Variants in CFAP299 observed in about 807,000 individuals in gnomAD.
CFAP299 encodes the protein cilia and flagella associated protein 299.
Under a neutral mutation model 27.0 loss-of-function variants are expected in CFAP299, and 21 were observed. The ratio of observed to expected loss-of-function variants is 0.78; its 90% CI spans 0.55 to 1.12. The LOEUF is 1.12. CFAP299 is among the 50% of genes most tolerant of loss of function. The pLI, the probability that CFAP299 is intolerant of heterozygous loss-of-function variation, is 0.00. For synonymous variants in CFAP299, 104 were observed against 98.1 expected, an observed-to-expected ratio of 1.06 and a Z score of -0.36; for missense variants, 310 against 276.6, an observed-to-expected ratio of 1.12 and a Z score of -0.86.
chr4:80,762,284 G>T (rs1725581516), intron 3 of CFAP299, among the ~76,000 whole-genome samples: 1 of 151,986 alleles, frequency 6.6e-6, no homozygotes, highest in South Asian at 2.1e-4. Flanking sequence ...CTGACAGGAG[G>T]AAATATAAGA....
chr4:80,391,797 A>T (rs1018260682), intron 2 of CFAP299, among the ~76,000 whole-genome samples: 1 of 152,130 alleles, frequency 6.6e-6, no homozygotes, highest in Non-Finnish European at 1.5e-5. Context: ...TGAGTCCCCC[A>T]TCACTACAAA....
chr4:80,724,304 A>G (rs1379889321), intron 3 of CFAP299, among the ~76,000 whole-genome samples: 1 of 152,146 alleles, frequency 6.6e-6, no homozygotes, highest in East Asian at 1.9e-4. Flanking sequence ...CAAACTGGGC[A>G]ATTGGGATTT....
chr4:80,582,692 T>C (rs1237162310), intron 2 of CFAP299, among the ~76,000 whole-genome samples: 1 of 151,874 alleles, frequency 6.6e-6, no homozygotes, highest in Non-Finnish European at 1.5e-5. Context: ...TCTACTCCAG[T>C]AACTGCATAG....
intron 4 of CFAP299, among the ~76,000 whole-genome samples, chr4:80,885,379 A>G (rs983466156): frequency 1.1e-4 from 17 of 152,176 alleles, no homozygotes; most frequent in Admixed American, 5.2e-4. Context: ...ACCTAGGGAG[A>G]CACAAGATGT....
intron 2 of CFAP299, among the ~76,000 whole-genome samples, chr4:80,464,657 T>C (rs956742311): frequency 1.3e-5 from 2 of 152,200 alleles, no homozygotes; most frequent in Non-Finnish European, 2.9e-5. Context: ...GTTAGTAGTA[T>C]TAAAATAATT....
chr4:80,766,803 G>T (rs996178093), intron 3 of CFAP299, among the ~76,000 whole-genome samples: 1 of 152,162 alleles, frequency 6.6e-6, no homozygotes, highest in Non-Finnish European at 1.5e-5. Flanking sequence ...CATCAAATTT[G>T]GCCTTGCAAA....
intron 4 of CFAP299, among the ~76,000 whole-genome samples, chr4:80,890,932 T>A (rs1734240040): frequency 6.7e-6 from 1 of 150,366 alleles, no homozygotes; most frequent in Non-Finnish European, 1.5e-5. Flanking sequence ...TGTAAATTTG[T>A]TTGAGTTCAT....
In CFAP299 at chr4:80,390,835, A is replaced by C. The variant is rs1161572890; in HGVS notation, c.242+27951A>C. On this transcript the variant is annotated intron_variant, in intron 2 of 5. Coordinates refer to ENST00000358105, the MANE Select transcript of CFAP299 (RefSeq NM_152770.3). ...TACACACATATATGTATATGTATATATGTATATACACATATATGTATATGT... is the reference window on the plus strand; with the variant it reads ...TACACACATATATGTATATGTATATCTGTATATACACATATATGTATATGT... Among the ~76,000 whole-genome samples, 2 of 145,646 alleles carry C rather than the reference A, an allele frequency of 1.4e-5. 1 individual carries two copies. Among genetic ancestry groups the C allele is most frequent in the Non-Finnish European group, 3.0e-5 (2 of 66,476 alleles).
chr4:80,418,140 GCCACTGC>G (rs1727107202), intron 2 of CFAP299, among the ~76,000 whole-genome samples: 1 of 152,138 alleles, frequency 6.6e-6, no homozygotes, highest in Non-Finnish European at 1.5e-5. Flanking sequence ...GAGATTCTGG[GCCACTGC>G]ACAGTCTGGG....
intron 3 of CFAP299, among the ~76,000 whole-genome samples, chr4:80,867,381 A>G (rs887854003): frequency 6.6e-5 from 10 of 152,316 alleles, no homozygotes; most frequent in Middle Eastern, 3.4e-3. Context: ...ATACATATAT[A>G]TATTCTAATA....
At chr4:80,806,560 C>T (rs1389153634) in intron 3 of CFAP299, among the ~76,000 whole-genome samples, 4 of 152,198 alleles carry the variant, frequency 2.6e-5, no homozygotes. Context: ...AACAAACCAG[C>T]AAACATCCCT....
At chr4:80,764,644 T>C (rs993971622) in intron 3 of CFAP299, among the ~76,000 whole-genome samples, 3 of 152,122 alleles carry the variant, frequency 2.0e-5, no homozygotes, top group Admixed American at 1.3e-4. Flanking sequence ...CACATGCTCA[T>C]GTATGTTTAT....
chr4:80,590,384 A>C (rs1736668335), intron 3 of CFAP299, among the ~76,000 whole-genome samples: 1 of 152,160 alleles, frequency 6.6e-6, no homozygotes, highest in South Asian at 2.1e-4. Context: ...CATGCCTGTA[A>C]TACTAGCACT....
intron 3 of CFAP299, among the ~76,000 whole-genome samples, chr4:80,841,933 G>C (rs1437587674): frequency 1.6e-4 from 24 of 152,064 alleles, no homozygotes; most frequent in Admixed American, 1.4e-3. Flanking sequence ...GGATATCTTT[G>C]TAAGGCCAAG....
intron 2 of CFAP299, among the ~76,000 whole-genome samples, chr4:80,577,068 A>T (rs976896777): frequency 6.6e-5 from 10 of 152,278 alleles, no homozygotes; most frequent in Non-Finnish European, 1.0e-4. Flanking sequence ...CCTTCTCCCC[A>T]GTGAATTCTC....
At chr4:80,820,769 C>A (rs533693680) in intron 3 of CFAP299, among the ~76,000 whole-genome samples, 14 of 152,248 alleles carry the variant, frequency 9.2e-5, no homozygotes, top group Admixed American at 7.2e-4. Flanking sequence ...TATTGCCCAG[C>A]ACACATTAGT....
At chr4:80,699,678 T>G (rs74547419) in intron 3 of CFAP299, among the ~76,000 whole-genome samples, 3,198 of 152,318 alleles carry the variant, frequency 0.021, 81 homozygotes, top group South Asian at 0.063. Flanking sequence ...TCAAGTCATT[T>G]GTGAGCTCAC....
intron 3 of CFAP299, among the ~76,000 whole-genome samples, chr4:80,692,827 A>G (rs939707556): frequency 1.3e-5 from 2 of 152,182 alleles, no homozygotes; most frequent in Non-Finnish European, 2.9e-5. Flanking sequence ...CAGAATCTAT[A>G]ATGAACTCAA....
chr4:80,646,177 G>T (rs1012217953), intron 3 of CFAP299, among the ~76,000 whole-genome samples: 1 of 152,156 alleles, frequency 6.6e-6, no homozygotes, highest in African/African-American at 2.4e-5. Flanking sequence ...CTTGCTCTGA[G>T]CTGGTGCAAA....
Sources: gnomAD v4.1 joint callset for allele counts (sites outside exome capture counted in the v4.1 genomes callset) on GRCh38, gnomAD v4.1.1 for gene constraint, MANE v1.5 for transcripts, NCBI Gene and HGNC (gene_info 2026-07-23, HGNC 2026-07-21) for gene names.